Variants in CNBD1 observed in about 807,000 individuals in gnomAD.
CNBD1 encodes the protein cyclic nucleotide binding domain containing 1, also known as cyclic nucleotide-binding domain-containing protein 1.
Under a neutral mutation model 54.4 loss-of-function variants are expected in CNBD1, and 71 were observed. The observed-to-expected ratio is 1.30, with a 90% CI of 1.08 to 1.59. The LOEUF is 1.59. CNBD1 is among the 40% of genes most tolerant of loss of function. CNBD1 has a pLI of 0.00. For synonymous variants in CNBD1, 182 were observed against 170.7 expected (o/e 1.07, Z -0.51); for missense variants, 659 against 518.0 (o/e 1.27, Z -2.64).
At chr8:87,266,663 G>T (rs1808265655) in intron 6 of CNBD1, among the ~76,000 whole-genome samples, 2 of 151,572 alleles carry the variant, frequency 1.3e-5, no homozygotes, top group South Asian at 4.2e-4. Flanking sequence ...TGTTGGTCAG[G>T]CTAGTCTTGA....
intron 2 of CNBD1, among the ~76,000 whole-genome samples, chr8:87,412,189 T>C (rs1807757424): frequency 6.6e-6 from 1 of 152,078 alleles, no homozygotes; most frequent in South Asian, 2.1e-4. Flanking sequence ...AAGGCAAACT[T>C]GGAAAATGCT....
intron 2 of CNBD1, among the ~76,000 whole-genome samples, chr8:87,422,860 T>G (rs1807965809): frequency 6.6e-6 from 1 of 152,176 alleles, no homozygotes; most frequent in Admixed American, 6.5e-5. Flanking sequence ...TAAATTACCT[T>G]GGGCAGTATG....
chr8:87,412,783 GA>G (rs1188236262), intron 2 of CNBD1, among the ~76,000 whole-genome samples: 1 of 151,304 alleles, frequency 6.6e-6, no homozygotes, highest in Admixed American at 6.6e-5. Flanking sequence ...ATTTAAAGGG[GA>G]AACATCAAGA....
At chr8:87,398,222 A>G (rs1554586892) in intron 2 of CNBD1, among the ~76,000 whole-genome samples, 1 of 115,950 alleles carries the variant, frequency 8.6e-6, no homozygotes, top group African/African-American at 4.2e-5. Flanking sequence ...TTTCTTATAA[A>G]TCTATTTTCT....
At chr8:87,341,142 A>G (rs1030571577) in intron 8 of CNBD1, among the ~76,000 whole-genome samples, 8 of 152,150 alleles carry the variant, frequency 5.3e-5, no homozygotes, top group Admixed American at 2.0e-4. Flanking sequence ...CTAATTCAAG[A>G]TATTTTCTAT....
intron 2 of CNBD1, among the ~76,000 whole-genome samples, chr8:87,418,601 A>G (rs532146158): frequency 6.6e-6 from 1 of 152,096 alleles, no homozygotes; most frequent in East Asian, 1.9e-4. Context: ...AAGTATTCAC[A>G]AATCACATAT....
intron 5 of CNBD1, among the ~76,000 whole-genome samples, chr8:87,225,695 AAT>A (rs1814468585): frequency 6.6e-6 from 1 of 152,090 alleles, no homozygotes; most frequent in African/African-American, 2.4e-5. Context: ...ATTGATCTAA[AAT>A]TCTCTTTTTT....
At chr8:87,321,468 A>G (rs1349865544) in intron 8 of CNBD1, among the ~76,000 whole-genome samples, 1 of 152,074 alleles carries the variant, frequency 6.6e-6, no homozygotes, top group Non-Finnish European at 1.5e-5. Flanking sequence ...ATCTTTTCTT[A>G]TACCTGTTCT....
intron 4 of CNBD1, among the ~76,000 whole-genome samples, chr8:87,077,412 C>CTTTTTTTT (rs374931620): frequency 3.1e-5 from 4 of 129,574 alleles, no homozygotes; most frequent in African/African-American, 1.1e-4. Context: ...TCTTCTTCTT[C>CTTTTTTTT]TTTTTTTTTT....
At chr8:87,095,361 G>T (rs748453457) in intron 4 of CNBD1, among the ~76,000 whole-genome samples, 1 of 152,208 alleles carries the variant, frequency 6.6e-6, no homozygotes, top group Non-Finnish European at 1.5e-5. Context: ...TAGATTAGAA[G>T]ATAAGTTTGT....
chr8:87,344,531 A>G (rs1328191556), intron 8 of CNBD1, among the ~76,000 whole-genome samples: 1 of 152,118 alleles, frequency 6.6e-6, no homozygotes, highest in Non-Finnish European at 1.5e-5. Context: ...ATGATTTTAC[A>G]TATAGTGATC....
chr8:86,991,113 A>G (rs1039524024), intron 4 of CNBD1, among the ~76,000 whole-genome samples: 1 of 152,130 alleles, frequency 6.6e-6, no homozygotes, highest in African/African-American at 2.4e-5. Flanking sequence ...ATAAGATTAT[A>G]TCATCTGCAA....
chr8:87,037,542 TG>T (rs2130604288), intron 4 of CNBD1, among the ~76,000 whole-genome samples: 1 of 152,284 alleles, frequency 6.6e-6, no homozygotes, highest in African/African-American at 2.4e-5. Flanking sequence ...TATCCTTTTT[TG>T]GTTCTCCTTT....
chr8:87,388,556 A>C (rs1811239577), intron 2 of CNBD1, among the ~76,000 whole-genome samples: 1 of 152,224 alleles, frequency 6.6e-6, no homozygotes, highest in Non-Finnish European at 1.5e-5. Flanking sequence ...ACCAGGAAGA[A>C]GCTGAATCTC....
intron 6 of CNBD1, among the ~76,000 whole-genome samples, chr8:87,282,310 T>C (rs980670052): frequency 6.6e-6 from 1 of 151,774 alleles, no homozygotes. Flanking sequence ...TTAGTCATTC[T>C]AAAATTATTA....
chr8:86,948,861 A>G (rs537851316), intron 4 of CNBD1, among the ~76,000 whole-genome samples: 6 of 152,138 alleles, frequency 3.9e-5, no homozygotes, highest in South Asian at 2.1e-4. Context: ...GAGTTTTCCA[A>G]TGTTTCATAG....
intron 6 of CNBD1, among the ~76,000 whole-genome samples, chr8:87,266,622 G>C (rs1808264855): frequency 6.6e-6 from 1 of 151,312 alleles, no homozygotes; most frequent in African/African-American, 2.4e-5. Flanking sequence ...GGCTAATTTT[G>C]TATTTTTAGT....
intron 6 of CNBD1, among the ~76,000 whole-genome samples, chr8:87,240,786 G>T (rs903733162): frequency 6.6e-6 from 1 of 152,102 alleles, no homozygotes; most frequent in Non-Finnish European, 1.5e-5. Context: ...TTCTCAGGGT[G>T]TTTCCCCTCC....
intron 8 of CNBD1, among the ~76,000 whole-genome samples, chr8:87,341,676 C>G (rs1477554840): frequency 6.6e-6 from 1 of 152,226 alleles, no homozygotes; most frequent in African/African-American, 2.4e-5. Flanking sequence ...CTCTTGCTCT[C>G]TCTTTTCCTT....
Sources: gnomAD v4.1 joint callset for allele counts (sites outside exome capture counted in the v4.1 genomes callset) on GRCh38, gnomAD v4.1.1 for gene constraint, MANE v1.5 for transcripts, NCBI Gene and HGNC (gene_info 2026-07-23, HGNC 2026-07-21) for gene names.